Variants in CEL observed in about 807,000 individuals in gnomAD.
The protein encoded by CEL is bile salt-activated lipase.
In CEL, 39 loss-of-function variants were observed where a neutral mutation model predicts 57.1. The observed-to-expected ratio is 0.68, with a 90% confidence interval of 0.53 to 0.89. The LOEUF (loss-of-function observed/expected upper bound fraction) is 0.89. Among genes scored for constraint, CEL ranks in the 40% least tolerant of loss-of-function variants. The pLI is 0.00. For synonymous variants in CEL, 314 were observed against 396.6 expected (o/e 0.79, Z 2.48); for missense variants, 698 against 915.0 (o/e 0.76, Z 3.06).
In CEL at chr9:133,064,436, G is replaced by C. The variant is rs199971842; in HGVS notation, c.99G>C (p.Val33=). 1.8e-4 allele frequency: 292 copies of C among 1,614,138 alleles called. 2 individuals are homozygous for C. In the South Asian group the frequency reaches 2.9e-3, roughly 16 times the overall value. Residue 33 remains valine (V), a synonymous_variant, in exon 2 of 11, where the codon GTG becomes GTC. Coordinates refer to ENST00000372080, the MANE Select transcript of CEL (RefSeq NM_001807.6). Reference sequence around the variant, plus strand: ...CCGTGTACACAGAAGGTGGGTTCGTGGAAGGCGTCAATAAGAAGCTCGGCC... The same window carrying C: ...CCGTGTACACAGAAGGTGGGTTCGTCGAAGGCGTCAATAAGAAGCTCGGCC... ...LGAVYTEGGF[V]EGVNKKLGLL...
Position 133,064,389 on chromosome 9 carries a change from G to A in CEL, c.67-15G>A, listed in dbSNP as rs756805402. ...GGCTTGAGCCCCCCTGACCCTGCCC[G>A]TGTCTCCCTCGCAGCTGGGCGCCGT... On this transcript the variant is annotated splice_polypyrimidine_tract_variant and intron_variant, in intron 1 of 10. Transcript: ENST00000372080. The A allele has an allele frequency of 2.4e-5, 39 of 1,613,254 alleles. No homozygotes were observed. The highest frequency in any genetic ancestry group is 6.7e-5 in the East Asian group (3 of 44,874).
At chr9:133,065,634 G>A (rs1830165858) in intron 4 of CEL, among the ~76,000 whole-genome samples, 1 of 152,048 alleles carries the variant, frequency 6.6e-6, no homozygotes, top group African/African-American at 2.4e-5. Context: ...ATCACCTGAG[G>A]TCAGGAGTTT....
At position 133,070,468 on chromosome 9, in the gene CEL, A is replaced by G. The variant is rs1043264672; in HGVS notation, c.1294A>G (p.Lys432Glu). ...AQHRANAKSA[K>E]TYAYLFSHPS... ...GTGGTCTCTCCCCTCCAGGAGTGCCAAGACCTACGCCTACCTGTTTTCCCA... is the reference window on the plus strand; with the variant it reads ...GTGGTCTCTCCCCTCCAGGAGTGCCGAGACCTACGCCTACCTGTTTTCCCA... Residue 432 changes from lysine to glutamate, a missense_variant, in exon 10 of 11, where the codon AAG becomes GAG. Coordinates refer to ENST00000372080, the MANE Select transcript of CEL (RefSeq NM_001807.6). 10 of 1,612,800 alleles carry G rather than the reference A, an allele frequency of 6.2e-6. No homozygotes were observed. In the African/African-American group the frequency reaches 1.1e-4, roughly 17 times the overall value.
Position 133,071,602 on chromosome 9 carries a change from C to T in CEL, c.2100C>T (p.Ala700=), listed in dbSNP as rs8193022. ...TGCCGCCCACGGGTGACTCCGGGGC[C>T]CCCCCCGTGACCCCCACGGGTGACT... is the stretch of plus-strand genomic sequence containing the variant. ...PPVPPTGDSG[A]PPVTPTGDSE... is the part of the protein sequence containing the mutation. The change falls in exon 11 of 11, where the codon GCC becomes GCT. Residue 700 remains alanine (A), a synonymous_variant. Transcript: ENST00000372080. 1.9e-5 allele frequency: 27 copies of T among 1,430,782 alleles called. No homozygotes were observed. Among genetic ancestry groups the T allele is most frequent in the East Asian group, 1.2e-4 (5 of 40,144 alleles). The allele number at this position is 1,430,782 out of a possible 1,614,324, so 88.6% of individuals were successfully genotyped here. A position where few individuals can be genotyped will look rare whatever the true frequency, so the allele number is the denominator to read the frequency against.
At chr9:133,068,624 A>C (rs775883859) in intron 7 of CEL, 48 bp from the exon 8 acceptor site, 1 of 1,613,442 alleles carries the variant, frequency 6.2e-7, no homozygotes, top group South Asian at 1.1e-5. Context: ...GGCTCAGGGG[A>C]AACTGGGAGG....
intron 7 of CEL, among the ~76,000 whole-genome samples, chr9:133,068,162 C>T (rs1337473351): frequency 2.0e-5 from 3 of 152,238 alleles, no homozygotes; most frequent in Non-Finnish European, 4.4e-5. Flanking sequence ...GCCCCGCCTG[C>T]CTCAGCAGCC....
chr9:133,071,826 T>G lies in CEL; in HGVS notation c.*62T>G. 6.9e-7 allele frequency: 1 copy of G among 1,443,980 alleles called. No homozygotes were observed. The highest frequency in any genetic ancestry group is 9.7e-7 in the Non-Finnish European group (1 of 1,031,528). The allele number at this position is 1,443,980 out of a possible 1,614,324, so 89.4% of individuals were successfully genotyped here. A position where few individuals can be genotyped will look rare whatever the true frequency, so the allele number is the denominator to read the frequency against. ...TGGGACCCCAGGGGCTCCCCTCCCATCTTGAGCTCTTCCTGAATAAAGCCT... is the reference window on the plus strand; with the variant it reads ...TGGGACCCCAGGGGCTCCCCTCCCAGCTTGAGCTCTTCCTGAATAAAGCCT... On this transcript the variant is annotated 3_prime_UTR_variant, in exon 11 of 11. Coordinates refer to ENST00000372080, the MANE Select transcript of CEL (RefSeq NM_001807.6).
Position 133,071,859 on chromosome 9 carries a change from C to T in CEL, c.*95C>T, listed in dbSNP as rs576584726. The stretch of plus-strand genomic sequence containing the variant: ...TCTTCCTGAATAAAGCCTCATACCC[C>T]TGTCGGTGTCTTTCTTTGCTCCCAA... On this transcript the variant is annotated 3_prime_UTR_variant, in exon 11 of 11. Coordinates refer to ENST00000372080, the MANE Select transcript of CEL (RefSeq NM_001807.6). 6.8e-6 allele frequency: 8 copies of T among 1,171,726 alleles called. No individual in the cohort carries two copies. In the East Asian group the frequency reaches 1.5e-4, roughly 22 times the overall value. The allele number at this position is 1,171,726 out of a possible 1,614,324, so 72.6% of individuals were successfully genotyped here.
Position 133,061,986 on chromosome 9 carries a change from A to G in CEL, c.-17A>G, listed in dbSNP as rs998243637. ...CCGAGGCCCAGGGGGAGGGCCACCCAGAGGCTGATGCTCACCATGGGGCGC... is the reference window on the plus strand; with the variant it reads ...CCGAGGCCCAGGGGGAGGGCCACCCGGAGGCTGATGCTCACCATGGGGCGC... On this transcript the variant is annotated 5_prime_UTR_variant, in exon 1 of 11. Transcript: ENST00000372080. 6 of 1,550,902 alleles carry G rather than the reference A, an allele frequency of 3.9e-6. No individual in the cohort carries two copies. In the Admixed American group the frequency reaches 1.2e-4, roughly 30 times the overall value.
chr9:133,065,121 A>G lies in CEL; in HGVS notation c.422A>G (p.Asn141Ser), dbSNP rs758575955. ...MGSGHGANFL[N>S]NYLYDGEEIA... is the part of the protein sequence containing the mutation. ...TCCGGCCATGGGGCCAACTTCCTCA[A>G]CAACTACCTGTATGACGGCGAGGAG... Residue 141 changes from asparagine (N) to serine (S), a missense_variant, in exon 4 of 11, where the codon AAC becomes AGC. Around this residue, in one of 6 missense-constraint regions of CEL, gnomAD observed 327 missense variants for 374.1 expected, o/e 0.87. Transcript: ENST00000372080. 2 of 1,613,896 alleles carry G rather than the reference A, an allele frequency of 1.2e-6. No individual in the cohort carries two copies. The highest frequency in any genetic ancestry group is 2.7e-5 in the African/African-American group (2 of 74,940).
chr9:133,069,459 G>C (rs954422173), intron 9 of CEL, among the ~76,000 whole-genome samples, 200 bp downstream of exon 9: 1 of 146,282 alleles, frequency 6.8e-6, no homozygotes, highest in Non-Finnish European at 1.5e-5. Flanking sequence ...CAGCCTACAG[G>C]GCTTTACAAA....
chr9:133,067,005 C>T (rs1393228670), intron 6 of CEL, 60 bp downstream of exon 6: 2 of 1,604,484 alleles, frequency 1.2e-6, no homozygotes, highest in Admixed American at 1.7e-5. Context: ...CGTTCTTTAT[C>T]CTGGACCCCA....
In CEL at chr9:133,071,068, C is replaced by A; in HGVS notation, c.1566C>A (p.Thr522=). The A allele has an allele frequency of 6.2e-7, 1 of 1,612,934 alleles. No homozygotes were observed. Among genetic ancestry groups the A allele is most frequent in the Non-Finnish European group, 8.5e-7 (1 of 1,179,796 alleles). The change falls in exon 11 of 11, where the codon ACC becomes ACA. Residue 522 remains threonine, a synonymous_variant. Transcript: ENST00000372080. ...AAAACAGCGGCTACCTGGAGATCAC[C>A]AAGAAGATGGGCAGCAGCTCCATGA... ...TTENSGYLEI[T]KKMGSSSMKR...
At chr9:133,063,454 CTT>C (rs368389613) in intron 1 of CEL, among the ~76,000 whole-genome samples, 2 of 152,328 alleles carry the variant, frequency 1.3e-5, no homozygotes, top group African/African-American at 4.8e-5. Flanking sequence ...TCACCCTAGA[CTT>C]CAGAGGGCTG....
Position 133,064,772 on chromosome 9 carries a change from C to A in CEL, c.340+10C>A. On this transcript the variant is annotated intron_variant, in intron 3 of 10. Coordinates refer to ENST00000372080, the MANE Select transcript of CEL (RefSeq NM_001807.6). ...CAGGGCAGGAAGCAAGGTCTGCCTCCCCTCTACTCCCCAAGGGACCCTCCC... is the reference window on the plus strand; with the variant it reads ...CAGGGCAGGAAGCAAGGTCTGCCTCACCTCTACTCCCCAAGGGACCCTCCC... 6.2e-7 allele frequency: 1 copy of A among 1,613,862 alleles called. No homozygotes were observed. The highest frequency in any genetic ancestry group is 8.5e-7 in the Non-Finnish European group (1 of 1,180,008).
chr9:133,065,618 G>A (rs1188902979), intron 4 of CEL, among the ~76,000 whole-genome samples: 1 of 152,044 alleles, frequency 6.6e-6, no homozygotes, highest in African/African-American at 2.4e-5. Flanking sequence ...AGCCCAAGGT[G>A]GGTAGATCAC....
intron 4 of CEL, among the ~76,000 whole-genome samples, chr9:133,065,768 C>T (rs1340643069): frequency 3.3e-5 from 5 of 150,724 alleles, no homozygotes; most frequent in Admixed American, 2.7e-4. Flanking sequence ...ATCGCTTGAA[C>T]TCAGGAGGCG....
intron 9 of CEL, among the ~76,000 whole-genome samples, chr9:133,069,847 T>C (rs1408252235): frequency 1.3e-5 from 2 of 152,070 alleles, no homozygotes; most frequent in African/African-American, 4.8e-5. Context: ...GGTGCATGCC[T>C]ATAATCCTAG....
chr9:133,067,022 C>T (rs1830189179), intron 6 of CEL, 66 bp from the exon 7 acceptor site: 4 of 1,605,828 alleles, frequency 2.5e-6, no homozygotes, highest in Non-Finnish European at 1.7e-6. Flanking sequence ...CCCATCCTTG[C>T]CTTCAAATGG....
Sources: gnomAD v4.1 joint callset for allele counts (sites outside exome capture counted in the v4.1 genomes callset) on GRCh38, gnomAD v4.1.1 for gene constraint, gnomAD v4.1.1 regional missense constraint, MANE v1.5 for transcripts, NCBI Gene and HGNC (gene_info 2026-07-23, HGNC 2026-07-21) for gene names.